The following RRM2B variants were observed in gnomAD, a reference collection of about 807,000 sequenced individuals.
The protein encoded by RRM2B is ribonucleoside-diphosphate reductase subunit M2 B.
A neutral mutation model predicts 45.9 loss-of-function variants in RRM2B; 20 were observed. The observed-to-expected ratio is 0.44, with a 90% CI of 0.31 to 0.63. RRM2B has a LOEUF of 0.63. RRM2B is among the 30% of genes least tolerant of loss of function. The pLI is 0.09. For missense variants in RRM2B, 320 were observed against 414.7 expected, an observed-to-expected ratio of 0.77 and a Z score of 1.98; for synonymous variants, 124 against 132.3, an observed-to-expected ratio of 0.94 and a Z score of 0.43.
At chr8:102,219,161 A>ATT in intron 5 of RRM2B, 1 of 581,202 alleles carries the variant, frequency 1.7e-6, no homozygotes, top group Non-Finnish European at 3.0e-6. Context: ...CTGTCAGACG[A>ATT]TGGACTTCTG....
intron 1 of RRM2B, chr8:102,238,496 G>T (rs193068943): frequency 1.5e-6 from 2 of 1,353,956 alleles, no homozygotes; most frequent in Non-Finnish European, 1.9e-6. Flanking sequence ...CCTGGCCAGG[G>T]CTCCAAAACA....
At chr8:102,224,347 A>G (rs923726311) in intron 4 of RRM2B, among the ~76,000 whole-genome samples, 1 of 152,008 alleles carries the variant, frequency 6.6e-6, no homozygotes, top group African/African-American at 2.4e-5. Context: ...ACGCCCGGCT[A>G]GTATTTTTAG....
intron 5 of RRM2B, among the ~76,000 whole-genome samples, chr8:102,223,010 T>G (rs1036165017): frequency 6.6e-6 from 1 of 152,162 alleles, no homozygotes; most frequent in Non-Finnish European, 1.5e-5. Flanking sequence ...CAATAATTTT[T>G]AAGAGTACAA....
At chr8:102,210,361 T>C (rs1810614933) in intron 8 of RRM2B, among the ~76,000 whole-genome samples, 1 of 152,146 alleles carries the variant, frequency 6.6e-6, no homozygotes, top group African/African-American at 2.4e-5. Flanking sequence ...ACTCACTAGA[T>C]GTTAGAACTG....
At chr8:102,236,441 A>G (rs1052049473) in intron 1 of RRM2B, among the ~76,000 whole-genome samples, 1 of 152,254 alleles carries the variant, frequency 6.6e-6, no homozygotes, top group African/African-American at 2.4e-5. Flanking sequence ...TTTGCAAGCA[A>G]CTAAGGAACC....
chr8:102,217,906 A>G (rs1231284065), intron 6 of RRM2B, among the ~76,000 whole-genome samples: 2 of 152,276 alleles, frequency 1.3e-5, no homozygotes, highest in Non-Finnish European at 2.9e-5. Flanking sequence ...AGGCTTACTT[A>G]CTGATCGGAT....
At chr8:102,215,405 CAA>C (rs553411812) in intron 6 of RRM2B, among the ~76,000 whole-genome samples, 5 of 123,046 alleles carry the variant, frequency 4.1e-5, no homozygotes, top group African/African-American at 6.1e-5. Context: ...GAGACTGTTT[CAA>C]AAAAAAAAAA....
chr8:102,222,997 G>A (rs191324109), intron 5 of RRM2B, among the ~76,000 whole-genome samples: 1 of 152,202 alleles, frequency 6.6e-6, no homozygotes, highest in African/African-American at 2.4e-5. Flanking sequence ...ACTTTGGAGT[G>A]CTCAATAATT....
chr8:102,225,057 G>A (rs1158899671), intron 3 of RRM2B, 39 bp from the exon 4 acceptor site: 1 of 1,610,118 alleles, frequency 6.2e-7, no homozygotes, highest in Non-Finnish European at 8.5e-7. Flanking sequence ...CAGTTCTATA[G>A]GCTCTCATTA....
intron 3 of RRM2B, 84 bp from the exon 4 acceptor site, chr8:102,225,102 T>A: frequency 6.8e-7 from 1 of 1,472,578 alleles, no homozygotes; most frequent in Non-Finnish European, 9.4e-7. Flanking sequence ...ATCAGCATTA[T>A]CGCTTAAAAA....
At chr8:102,214,411 C>G (rs1810690359) in intron 6 of RRM2B, 3 of 430,072 alleles carry the variant, frequency 7.0e-6, no homozygotes, top group Non-Finnish European at 1.3e-5. Context: ...AATTTATGAA[C>G]AAACAAAATC....
chr8:102,214,428 T>A (rs1810690684), intron 6 of RRM2B: 1 of 389,514 alleles, frequency 2.6e-6, no homozygotes, highest in African/African-American at 2.1e-5. Flanking sequence ...AATCTGCAAA[T>A]AAAAGCATTT....
intron 1 of RRM2B, 34 bp downstream of exon 1, chr8:102,238,793 G>A (rs1298497947): frequency 1.9e-6 from 3 of 1,613,628 alleles, no homozygotes; most frequent in Non-Finnish European, 2.5e-6. Flanking sequence ...TGGCGTGACT[G>A]CGGTGAGGGG....
chr8:102,231,790 A>C (rs1382711319), intron 2 of RRM2B, among the ~76,000 whole-genome samples: 1 of 147,380 alleles, frequency 6.8e-6, no homozygotes, highest in African/African-American at 2.5e-5. Context: ...AATCGCTTGA[A>C]CCCGGGAGGT....
At chr8:102,234,959 G>C (rs1293568423) in intron 1 of RRM2B, 1 of 152,780 alleles carries the variant, frequency 6.5e-6, no homozygotes, top group Non-Finnish European at 1.5e-5. Flanking sequence ...GTTAATAAAA[G>C]AGCAAAATTG....
In RRM2B at chr8:102,212,872, G is replaced by A. The variant is rs772245274; in HGVS notation, c.807C>T (p.Ala269=). ...TCATTCCAATGAGGCCAACTGGCAA[G>A]GCTTCTGTTAAAAACTCCTGGGATG... is the stretch of plus-strand genomic sequence containing the variant. ...VKIEQEFLTE[A]LPVGLIGMNC... is the part of the protein sequence containing the mutation. The change falls in exon 8 of 9, where the codon GCC becomes GCT. Residue 269 remains alanine (A), a synonymous_variant. Coordinates refer to ENST00000251810, the MANE Select transcript of RRM2B (RefSeq NM_015713.5). 1 of 1,601,462 alleles carries A rather than the reference G, an allele frequency of 6.2e-7. No individual in the cohort carries two copies. The highest frequency in any genetic ancestry group is 1.1e-5 in the South Asian group (1 of 90,800).
chr8:102,224,523 T>C (rs1329209854), intron 4 of RRM2B, among the ~76,000 whole-genome samples: 1 of 152,212 alleles, frequency 6.6e-6, no homozygotes, highest in Non-Finnish European at 1.5e-5. Flanking sequence ...ATAATAATTG[T>C]AACTCTACGG....
At chr8:102,233,173 C>T (rs1159220198) in intron 1 of RRM2B, among the ~76,000 whole-genome samples, 1 of 152,224 alleles carries the variant, frequency 6.6e-6, no homozygotes, top group East Asian at 1.9e-4. Context: ...CTGTCTCTCT[C>T]TCTACTGTGA....
chr8:102,208,368 G>A (rs1724657138), intron 8 of RRM2B, 83 bp from the exon 9 acceptor site: 1 of 1,020,020 alleles, frequency 9.8e-7, no homozygotes, highest in East Asian at 2.4e-5. Context: ...CAAAACAGAG[G>A]TCAGGTTTCT....
Sources: gnomAD v4.1 joint callset for allele counts (sites outside exome capture counted in the v4.1 genomes callset) on GRCh38, gnomAD v4.1.1 for gene constraint, MANE v1.5 for transcripts, NCBI Gene and HGNC (gene_info 2026-07-23, HGNC 2026-07-21) for gene names.